KANK4: variants seen among roughly 807,000 people sequenced by gnomAD.
The protein encoded by KANK4 is KN motif and ankyrin repeat domain-containing protein 4.
KANK4 carries 50 observed loss-of-function variants against 80.8 expected under a neutral mutation model. The observed-to-expected ratio is 0.62, with a 90% CI of 0.49 to 0.78. The LOEUF is 0.78. Among genes scored for constraint, KANK4 ranks in the 30% least tolerant of loss-of-function variants. KANK4 has a pLI of 0.00. For missense variants in KANK4, 1,196 were observed against 1,240.1 expected (o/e 0.96, Z 0.53); for synonymous variants, 465 against 506.9 (o/e 0.92, Z 1.11).
At chr1:62,244,562 G>C (rs889123612) in intron 9 of KANK4, among the ~76,000 whole-genome samples, 1 of 152,150 alleles carries the variant, frequency 6.6e-6, no homozygotes, top group African/African-American at 2.4e-5. Flanking sequence ...GAGTTTTCCT[G>C]CAAAAGCTCT....
chr1:62,252,285 G>T (rs2149123404), intron 8 of KANK4, among the ~76,000 whole-genome samples: 1 of 152,358 alleles, frequency 6.6e-6, no homozygotes, highest in Non-Finnish European at 1.5e-5. Flanking sequence ...TTTGTGTAGG[G>T]CCCTACTGGG....
Position 62,273,741 on chromosome 1 carries a change from G to C in KANK4, c.1363C>G (p.Leu455Val). Residue 455 changes from leucine (L) to valine (V), a missense_variant, in exon 3 of 10, where the codon CTA becomes GTA. Coordinates refer to ENST00000371153, the MANE Select transcript of KANK4 (RefSeq NM_181712.5). Reference protein sequence around the residue: ...WGHRGEENGLLWGPDGHKQGN... With the variant: ...WGHRGEENGLVWGPDGHKQGN... ...TGTTTATGACCATCTGGCCCCCATA[G>C]GAGGCCATTCTCCTCTCCTCGGTGC... 2.5e-6 allele frequency: 4 copies of C among 1,614,096 alleles called. No homozygotes were observed.
chr1:62,273,245 G>A lies in KANK4; in HGVS notation c.1859C>T (p.Pro620Leu). 3 of 1,529,884 alleles carry A rather than the reference G, an allele frequency of 2.0e-6. No homozygotes were observed. Among genetic ancestry groups the A allele is most frequent in the Non-Finnish European group, 1.8e-6 (2 of 1,137,994 alleles). The allele number at this position is 1,529,884 out of a possible 1,614,324, so 94.8% of individuals were successfully genotyped here. ...LLSAYSAQAH[P>L]PKEPPASSSS... Reference sequence around the variant, plus strand: ...GGAGGAGGCCGGTGGCTCCTTGGGTGGGTGAGCCTGGGCCGAGTAGGCCGA... The same window carrying A: ...GGAGGAGGCCGGTGGCTCCTTGGGTAGGTGAGCCTGGGCCGAGTAGGCCGA... Residue 620 changes from proline (P) to leucine (L), a missense_variant, in exon 3 of 10, where the codon CCA (proline) becomes CTA (leucine). By Grantham distance (98) the Pro-to-Leu change is moderately conservative. Transcript: ENST00000371153.
chr1:62,300,094 C>T (rs529073026), intron 1 of KANK4, among the ~76,000 whole-genome samples: 61 of 152,246 alleles, frequency 4.0e-4, no homozygotes, highest in African/African-American at 1.4e-3. Context: ...TCAGCTGCTG[C>T]TGCTGCTGAA....
At chr1:62,293,223 G>GATT (rs2149161705) in intron 1 of KANK4, among the ~76,000 whole-genome samples, 1 of 151,316 alleles carries the variant, frequency 6.6e-6, no homozygotes, top group Admixed American at 6.6e-5. Context: ...GAGTAGCTGG[G>GATT]ATTACAGGCA....
intron 1 of KANK4, among the ~76,000 whole-genome samples, chr1:62,315,638 C>T (rs1241725062): frequency 1.3e-5 from 2 of 152,272 alleles, no homozygotes; most frequent in African/African-American, 4.8e-5. Context: ...CCACAGATGA[C>T]ATAACTTGCA....
intron 3 of KANK4, among the ~76,000 whole-genome samples, chr1:62,272,953 G>C (rs1229892436): frequency 6.6e-6 from 1 of 151,800 alleles, no homozygotes; most frequent in African/African-American, 2.4e-5. Flanking sequence ...ACCATGCCCG[G>C]CTAATTTTTG....
intron 1 of KANK4, among the ~76,000 whole-genome samples, chr1:62,315,356 GACC>G (rs1644530313): frequency 6.6e-6 from 1 of 152,130 alleles, no homozygotes; most frequent in Admixed American, 6.6e-5. Context: ...ATTTAATATG[GACC>G]ATGACCCTGG....
At position 62,273,710 on chromosome 1, in the gene KANK4, T is replaced by G; in HGVS notation, c.1394A>C (p.Asn465Thr). 1 of 1,614,118 alleles carries G rather than the reference T, an allele frequency of 6.2e-7. No homozygotes were observed. The highest frequency in any genetic ancestry group is 8.5e-7 in the Non-Finnish European group (1 of 1,180,004). ...LWGPDGHKQG[N>T]QSPAERVLLP... Reference sequence around the variant, plus strand: ...AAGCACACGTTCTGCTGGGCTCTGATTCCCTTGTTTATGACCATCTGGCCC... The same window carrying G: ...AAGCACACGTTCTGCTGGGCTCTGAGTCCCTTGTTTATGACCATCTGGCCC... The change falls in exon 3 of 10, where the codon AAT becomes ACT. Residue 465 changes from asparagine (N) to threonine (T), a missense_variant. Around this residue, in one of 3 missense-constraint regions of KANK4, gnomAD observed 1,154 missense variants for 1,179.6 expected, o/e 0.98. Transcript: ENST00000371153.
chr1:62,263,075 A>C lies in KANK4; in HGVS notation c.2539+17T>G. 10 of 1,593,972 alleles carry C rather than the reference A, an allele frequency of 6.3e-6. No homozygotes were observed. The highest frequency in any genetic ancestry group is 8.6e-6 in the Non-Finnish European group (10 of 1,163,664). On this transcript the variant is annotated intron_variant, in intron 7 of 9. Transcript: ENST00000371153. ...TCAAGGAGGGACCCAGACTGTATGA[A>C]TGCAACCACTTCTGACCTGTCTCCA...
rs368250736 is a variant in KANK4, at chr1:62,266,682, C to T, written c.2319+50G>A. 177 of 1,274,936 alleles carry T rather than the reference C, an allele frequency of 1.4e-4. 2 individuals carry two copies. In the Admixed American group the frequency reaches 3.0e-3, roughly 21 times the overall value. 79.0% of individuals were successfully genotyped at this position (1,274,936 alleles called of 1,614,324 possible). On this transcript the variant is annotated intron_variant, in intron 6 of 9. Coordinates refer to ENST00000371153, the MANE Select transcript of KANK4 (RefSeq NM_181712.5). ...ACCAAAGTCACCCTGGCAGAGCTAACGTCTTAAACAGAAGGGAAATCTTTA... is the reference window on the plus strand; with the variant it reads ...ACCAAAGTCACCCTGGCAGAGCTAATGTCTTAAACAGAAGGGAAATCTTTA...
At chr1:62,262,450 A>G (rs1671907974) in intron 7 of KANK4, among the ~76,000 whole-genome samples, 1 of 152,232 alleles carries the variant, frequency 6.6e-6, no homozygotes. Context: ...ATTGCCCTTC[A>G]AGTCATTCCA....
intron 1 of KANK4, among the ~76,000 whole-genome samples, chr1:62,288,770 C>T (rs1244587199): frequency 6.6e-6 from 1 of 152,216 alleles, no homozygotes; most frequent in Non-Finnish European, 1.5e-5. Flanking sequence ...AAAAGACCCC[C>T]ACTCCACATC....
chr1:62,313,080 G>A (rs984458528), intron 1 of KANK4, among the ~76,000 whole-genome samples: 48 of 152,166 alleles, frequency 3.2e-4, no homozygotes, highest in Admixed American at 2.7e-3. Context: ...GAGAGAGAAA[G>A]ACCATATTCA....
At chr1:62,278,164 T>C in intron 2 of KANK4, among the ~76,000 whole-genome samples, 1 of 151,864 alleles carries the variant, frequency 6.6e-6, no homozygotes, top group Non-Finnish European at 1.5e-5. Flanking sequence ...AAAAAGAGCA[T>C]CTTGCCAAGG....
chr1:62,311,752 G>A (rs1644499967), intron 1 of KANK4, among the ~76,000 whole-genome samples: 1 of 152,178 alleles, frequency 6.6e-6, no homozygotes, highest in Non-Finnish European at 1.5e-5. Context: ...TGGGCTGATA[G>A]AATTACCCGA....
chr1:62,273,431 G>A lies in KANK4; in HGVS notation c.1673C>T (p.Ala558Val), dbSNP rs1672216097. ...PGRPPSSPTD[A>V]TIGQYVKKIQ... ...CTTCTTCACATACTGCCCAATAGTG[G>A]CATCCGTTGGCGAGCTTGGTGGCCT... The change falls in exon 3 of 10, where the codon GCC (alanine) becomes GTC (valine). Residue 558 changes from alanine (A) to valine (V), a missense_variant. Around this residue, in one of 3 missense-constraint regions of KANK4, gnomAD observed 1,154 missense variants for 1,179.6 expected, o/e 0.98. Coordinates refer to ENST00000371153, the MANE Select transcript of KANK4 (RefSeq NM_181712.5). 2 of 1,613,438 alleles carry A rather than the reference G, an allele frequency of 1.2e-6. No individual in the cohort carries two copies. The highest frequency in any genetic ancestry group is 1.3e-5 in the African/African-American group (1 of 74,926).
chr1:62,251,314 G>A (rs867216430), intron 8 of KANK4, among the ~76,000 whole-genome samples: 1 of 152,144 alleles, frequency 6.6e-6, no homozygotes, highest in Non-Finnish European at 1.5e-5. Flanking sequence ...GGGCACAGAA[G>A]TCTCATGTCT....
chr1:62,303,534 G>T (rs1212603496), intron 1 of KANK4, among the ~76,000 whole-genome samples: 1 of 151,984 alleles, frequency 6.6e-6, no homozygotes, highest in Non-Finnish European at 1.5e-5. Context: ...CCCAAACTAA[G>T]TCGTCTTGGT....
Sources: gnomAD v4.1 joint callset for allele counts (sites outside exome capture counted in the v4.1 genomes callset) on GRCh38, gnomAD v4.1.1 for gene constraint, gnomAD v4.1.1 regional missense constraint, MANE v1.5 for transcripts, NCBI Gene and HGNC (gene_info 2026-07-23, HGNC 2026-07-21) for gene names.